Variants in CSMD1 observed in about 807,000 individuals in gnomAD.
The protein encoded by CSMD1 is CUB and sushi domain-containing protein 1.
In CSMD1, 213 loss-of-function variants were observed where a neutral mutation model predicts 417.5. The ratio of observed to expected loss-of-function variants is 0.51; its 90% CI spans 0.46 to 0.57. CSMD1 has a LOEUF of 0.57. Ranked by LOEUF, CSMD1 falls within the 20% of genes least tolerant of loss-of-function variation. The probability of loss-of-function intolerance (pLI) is 0.00; values close to 1 mark genes in which losing one functional copy is unlikely to be tolerated. For synonymous variants in CSMD1, 2,862 were observed against 1,736.8 expected, an observed-to-expected ratio of 1.65 and a Z score of -16.11; for missense variants, 6,923 against 4,529.7, an observed-to-expected ratio of 1.53 and a Z score of -15.17.
chr8:4,326,601 G>A (rs1585238022), intron 3 of CSMD1, among the ~76,000 whole-genome samples: 1 of 152,166 alleles, frequency 6.6e-6, no homozygotes, highest in South Asian at 2.1e-4. Context: ...CTCTCCTACG[G>A]AGAAAACAGT....
At chr8:4,078,238 A>G (rs546830048) in intron 3 of CSMD1, among the ~76,000 whole-genome samples, 6 of 152,102 alleles carry the variant, frequency 3.9e-5, no homozygotes, top group African/African-American at 1.4e-4. Context: ...TTACACATAT[A>G]AACGTATTAC....
At chr8:3,388,600 T>A (rs1811152985) in intron 17 of CSMD1, among the ~76,000 whole-genome samples, 1 of 152,236 alleles carries the variant, frequency 6.6e-6, no homozygotes, top group Non-Finnish European at 1.5e-5. Flanking sequence ...TTGTTTCTGA[T>A]CATTGCATAT....
At chr8:4,614,791 T>C (rs1801383253) in intron 2 of CSMD1, among the ~76,000 whole-genome samples, 1 of 152,186 alleles carries the variant, frequency 6.6e-6, no homozygotes, top group Middle Eastern at 3.2e-3. Flanking sequence ...GTCTGTAGAA[T>C]TTAAAATGCA....
chr8:3,790,510 C>T (rs768838236), intron 5 of CSMD1, among the ~76,000 whole-genome samples: 8 of 152,052 alleles, frequency 5.3e-5, no homozygotes, highest in Non-Finnish European at 7.4e-5. Flanking sequence ...GTAATTATGA[C>T]GGTGATAACC....
At position 4,208,378 on chromosome 8, in the gene CSMD1, G is replaced by A. The variant is rs192766298; in HGVS notation, c.416-176279C>T. Among the ~76,000 whole-genome samples, 110 of 152,210 alleles carry A rather than the reference G, an allele frequency of 7.2e-4. 1 individual carries two copies. The East Asian group carries it at 0.019, about 27-fold the overall frequency. On this transcript the variant is annotated intron_variant, in intron 3 of 69. Transcript: ENST00000635120. ...AGTAAGAGGGAAGCATTTCCCCAAG[G>A]AATTGAGTTACTGGCCTATTATAAT...
intron 1 of CSMD1, among the ~76,000 whole-genome samples, chr8:4,727,003 G>A (rs913150585): frequency 6.6e-6 from 1 of 152,066 alleles, no homozygotes; most frequent in Non-Finnish European, 1.5e-5. Flanking sequence ...ACCCCTATAT[G>A]TCATACTGGA....
intron 2 of CSMD1, among the ~76,000 whole-genome samples, chr8:4,448,135 A>G (rs936119664): frequency 6.6e-6 from 1 of 152,194 alleles, no homozygotes; most frequent in African/African-American, 2.4e-5. Context: ...CACTTTTACC[A>G]ATGTGTATCG....
chr8:4,017,591 C>T (rs1426165808), intron 4 of CSMD1, among the ~76,000 whole-genome samples: 1 of 152,144 alleles, frequency 6.6e-6, no homozygotes, highest in Non-Finnish European at 1.5e-5. Context: ...CAGGCGTGAG[C>T]CACCGTGCCC....
chr8:3,220,142 G>C (rs1160185541), intron 28 of CSMD1, among the ~76,000 whole-genome samples: 2 of 79,654 alleles, frequency 2.5e-5, no homozygotes, highest in African/African-American at 5.2e-5. Flanking sequence ...GACAGAACAA[G>C]ACCCTGTCAA....
chr8:4,643,228 G>A (rs1053810659), intron 1 of CSMD1, among the ~76,000 whole-genome samples: 6 of 152,160 alleles, frequency 3.9e-5, no homozygotes, highest in African/African-American at 1.4e-4. Context: ...AACATCATTG[G>A]TGGAAAAATA....
chr8:4,493,129 CGTA>C (rs1331750885), intron 2 of CSMD1, among the ~76,000 whole-genome samples: 2 of 152,042 alleles, frequency 1.3e-5, no homozygotes, highest in Non-Finnish European at 1.5e-5. Flanking sequence ...GCTCTGGTAC[CGTA>C]AGAAGACTAG....
At chr8:4,850,607 A>G (rs1801415812) in intron 1 of CSMD1, among the ~76,000 whole-genome samples, 1 of 151,302 alleles carries the variant, frequency 6.6e-6, no homozygotes, top group African/African-American at 2.4e-5. Context: ...CTTCCTCATC[A>G]CTTAGTCTCT....
At chr8:4,574,854 C>T (rs1038662519) in intron 2 of CSMD1, among the ~76,000 whole-genome samples, 2 of 152,184 alleles carry the variant, frequency 1.3e-5, no homozygotes, top group Admixed American at 6.5e-5. Flanking sequence ...TCAAGTGCTT[C>T]TTCGTCCAAA....
intron 18 of CSMD1, among the ~76,000 whole-genome samples, chr8:3,372,850 G>A (rs890221191): frequency 6.6e-6 from 1 of 152,190 alleles, no homozygotes; most frequent in South Asian, 2.1e-4. Flanking sequence ...CAGTGGCAGT[G>A]AATGTAGAAA....
chr8:3,377,204 G>C (rs1400089937), intron 18 of CSMD1, among the ~76,000 whole-genome samples: 1 of 152,112 alleles, frequency 6.6e-6, no homozygotes, highest in Non-Finnish European at 1.5e-5. Context: ...TGGAAATGGG[G>C]TTTTACTGTG....
intron 3 of CSMD1, among the ~76,000 whole-genome samples, chr8:4,131,526 A>G (rs1257949528): frequency 2.0e-5 from 3 of 152,198 alleles, no homozygotes; most frequent in Non-Finnish European, 4.4e-5. Context: ...TATGTTTAAT[A>G]TCAACGCATT....
At chr8:3,877,215 C>A (rs375089475) in intron 5 of CSMD1, among the ~76,000 whole-genome samples, 4 of 152,078 alleles carry the variant, frequency 2.6e-5, no homozygotes, top group Non-Finnish European at 5.9e-5. Context: ...GGGCTCAGCA[C>A]CCCACACTGC....
intron 6 of CSMD1, among the ~76,000 whole-genome samples, chr8:3,734,570 G>A (rs970135131): frequency 6.6e-6 from 1 of 152,148 alleles, no homozygotes; most frequent in Non-Finnish European, 1.5e-5. Flanking sequence ...AAATAGCTAG[G>A]CCTGGTGGCG....
chr8:4,723,103 T>A (rs544993817), intron 1 of CSMD1, among the ~76,000 whole-genome samples: 1 of 152,176 alleles, frequency 6.6e-6, no homozygotes, highest in Non-Finnish European at 1.5e-5. Flanking sequence ...GATACTTATA[T>A]ATCTGACTTG....
Sources: gnomAD v4.1 joint callset for allele counts (sites outside exome capture counted in the v4.1 genomes callset) on GRCh38, gnomAD v4.1.1 for gene constraint, MANE v1.5 for transcripts, NCBI Gene and HGNC (gene_info 2026-07-23, HGNC 2026-07-21) for gene names.